ENTREP2: variants seen among roughly 807,000 people sequenced by gnomAD.
ENTREP2 encodes protein ENTREP2.
At chr15:29,400,846 G>T in the ENTREP2 span, among the ~76,000 whole-genome samples, 1 of 152,248 alleles carries the variant, frequency 6.6e-6, no homozygotes, top group Non-Finnish European at 1.5e-5. Context: ...CCTTTGACGT[G>T]TGAGGTCGGA....
chr15:29,498,991 T>A, the ENTREP2 span, among the ~76,000 whole-genome samples: 3 of 152,214 alleles, frequency 2.0e-5, no homozygotes, highest in East Asian at 3.8e-4. Flanking sequence ...GGTTTCCATT[T>A]GCAAGAAGTA....
the ENTREP2 span, among the ~76,000 whole-genome samples, chr15:29,261,648 A>T: frequency 6.6e-6 from 1 of 152,344 alleles, no homozygotes; most frequent in Non-Finnish European, 1.5e-5. Flanking sequence ...TTTATACGCA[A>T]CATTTTATCT....
At chr15:29,415,150 T>A in the ENTREP2 span, among the ~76,000 whole-genome samples, 1 of 152,188 alleles carries the variant, frequency 6.6e-6, no homozygotes, top group Non-Finnish European at 1.5e-5. Context: ...TAACTCATTT[T>A]ATGAGGCCAG....
At chr15:29,606,364 A>G in the ENTREP2 span, among the ~76,000 whole-genome samples, 1 of 151,450 alleles carries the variant, frequency 6.6e-6, no homozygotes, top group Admixed American at 6.6e-5. Flanking sequence ...CCTCCAGAGT[A>G]GGTGGGACTA....
At chr15:29,224,506 C>T in the ENTREP2 span, among the ~76,000 whole-genome samples, 2 of 152,238 alleles carry the variant, frequency 1.3e-5, no homozygotes, top group South Asian at 4.2e-4. Flanking sequence ...TTACAGAGAG[C>T]TGATTGGTCC....
At chr15:29,359,681 G>A in the ENTREP2 span, among the ~76,000 whole-genome samples, 1 of 152,102 alleles carries the variant, frequency 6.6e-6, no homozygotes, top group Non-Finnish European at 1.5e-5. Flanking sequence ...AAGGTGCTGG[G>A]ATTACAGGCG....
chr15:29,353,189 A>T, the ENTREP2 span, among the ~76,000 whole-genome samples: 1 of 152,036 alleles, frequency 6.6e-6, no homozygotes, highest in Admixed American at 6.6e-5. Context: ...TCCCCATTGC[A>T]CAGAATGGCA....
At chr15:29,185,685 C>T in the ENTREP2 span, among the ~76,000 whole-genome samples, 2 of 152,144 alleles carry the variant, frequency 1.3e-5, no homozygotes, top group African/African-American at 4.8e-5. Flanking sequence ...CCTCAGCCTC[C>T]TGAGTAGCTG....
chr15:29,524,521 T>A, the ENTREP2 span, among the ~76,000 whole-genome samples: 1 of 152,198 alleles, frequency 6.6e-6, no homozygotes, highest in Non-Finnish European at 1.5e-5. Context: ...CTTGGCCTTA[T>A]GGATTCCAGA....
the ENTREP2 span, among the ~76,000 whole-genome samples, chr15:29,462,892 T>G: frequency 1.3e-5 from 2 of 152,124 alleles, no homozygotes; most frequent in African/African-American, 4.8e-5. Flanking sequence ...ATATGTAGTT[T>G]CTACTCCTGT....
chr15:29,356,619 T>A, the ENTREP2 span, among the ~76,000 whole-genome samples: 1 of 151,960 alleles, frequency 6.6e-6, no homozygotes, highest in Non-Finnish European at 1.5e-5. Flanking sequence ...ATGTATTTTT[T>A]AAAAACATAT....
chr15:29,268,762 T>C, the ENTREP2 span: 3 of 1,571,772 alleles, frequency 1.9e-6, no homozygotes, highest in East Asian at 6.7e-5. Flanking sequence ...CTCAGACCCT[T>C]GTCCCGGGGG....
At chr15:29,330,597 G>A in the ENTREP2 span, among the ~76,000 whole-genome samples, 12 of 152,240 alleles carry the variant, frequency 7.9e-5, no homozygotes, top group East Asian at 2.1e-3. Context: ...GAGGTCATAC[G>A]AAGTGAGGAA....
chr15:29,653,834 G>A, the ENTREP2 span, among the ~76,000 whole-genome samples: 2 of 151,614 alleles, frequency 1.3e-5, no homozygotes, highest in Non-Finnish European at 2.9e-5. Context: ...GGTCCAGAGA[G>A]AGCTTACGCT....
the ENTREP2 span, among the ~76,000 whole-genome samples, chr15:29,356,597 G>A: frequency 5.1e-3 from 778 of 151,802 alleles, 11 homozygotes; most frequent in African/African-American, 0.018. Context: ...GAGCCACCGC[G>A]CCTGGCCTGA....
the ENTREP2 span, among the ~76,000 whole-genome samples, chr15:29,481,080 G>T: frequency 6.6e-6 from 1 of 152,328 alleles, no homozygotes; most frequent in South Asian, 2.1e-4. Flanking sequence ...GGCACCAAAG[G>T]ATGCTGTGCC....
chr15:29,326,585 G>T, the ENTREP2 span, among the ~76,000 whole-genome samples: 1 of 152,076 alleles, frequency 6.6e-6, no homozygotes, highest in Non-Finnish European at 1.5e-5. Context: ...AATAAATATA[G>T]AGATATTCCA....
the ENTREP2 span, among the ~76,000 whole-genome samples, chr15:29,571,465 C>T: frequency 2.0e-5 from 3 of 151,258 alleles, no homozygotes; most frequent in African/African-American, 7.4e-5. Flanking sequence ...CTCTTGAATG[C>T]AAAAATCCAA....
At chr15:29,366,266 G>C in the ENTREP2 span, among the ~76,000 whole-genome samples, 1 of 152,172 alleles carries the variant, frequency 6.6e-6, no homozygotes, top group African/African-American at 2.4e-5. Flanking sequence ...GTAGAGACAG[G>C]GTTTCACCAT....
Sources: allele counts gnomAD v4.1 joint callset (sites outside exome capture counted in the v4.1 genomes callset), GRCh38; gene constraint gnomAD v4.1.1; transcripts MANE v1.5; gene names NCBI Gene and HGNC (gene_info 2026-07-23, HGNC 2026-07-21).